The following CFAP46 variants were observed in gnomAD, a reference collection of about 807,000 sequenced individuals.
The protein encoded by CFAP46 is cilia and flagella associated protein 46, also known as cilia- and flagella-associated protein 46.
CFAP46 carries 245 observed loss-of-function variants against 325.7 expected under a neutral mutation model. The ratio of observed to expected loss-of-function variants is 0.75; its 90% confidence interval spans 0.68 to 0.84. CFAP46 has a LOEUF of 0.84. Among genes scored for constraint, CFAP46 ranks in the 40% least tolerant of loss-of-function variants. The pLI, the probability that CFAP46 is intolerant of heterozygous loss-of-function variation, is 0.00. For synonymous variants in CFAP46, 1,523 were observed against 1,495.9 expected, an observed-to-expected ratio of 1.02 and a Z score of -0.42; for missense variants, 3,346 against 3,543.0, an observed-to-expected ratio of 0.94 and a Z score of 1.41.
At chr10:132,821,381 C>CTGTGT (rs1847819895) in intron 50 of CFAP46, among the ~76,000 whole-genome samples, 4 of 93,722 alleles carry the variant, frequency 4.3e-5, no homozygotes, top group Non-Finnish European at 7.7e-5. Flanking sequence ...GCTGTGTGTG[C>CTGTGT]ACTGATGTGT....
chr10:132,833,676 A>G (rs574648767), intron 49 of CFAP46, 151 bp from the exon 50 acceptor site: 54 of 741,202 alleles, frequency 7.3e-5, no homozygotes, highest in Middle Eastern at 7.9e-4. Flanking sequence ...CAGATGCCCC[A>G]GAACGGGGCG....
chr10:132,924,925 G>C, intron 10 of CFAP46, 39 bp from the exon 11 acceptor site: 1 of 1,358,126 alleles, frequency 7.4e-7, no homozygotes, highest in Admixed American at 3.6e-5. Flanking sequence ...GAGGTTGCTG[G>C]CTCGAGCTGC....
intron 9 of CFAP46, among the ~76,000 whole-genome samples, chr10:132,928,980 G>A (rs920906418): frequency 2.6e-5 from 4 of 152,032 alleles, no homozygotes; most frequent in Admixed American, 6.5e-5. Context: ...AATCCTAAAC[G>A]CAGAAAAATG....
At chr10:132,922,301 G>C in intron 12 of CFAP46, 77 bp from the exon 13 acceptor site, 2 of 1,504,370 alleles carry the variant, frequency 1.3e-6, no homozygotes, top group Non-Finnish European at 1.8e-6. Flanking sequence ...GGAGCCTCCT[G>C]GCCTTTGGCA....
chr10:132,868,193 C>T (rs1848846087), intron 33 of CFAP46, among the ~76,000 whole-genome samples: 1 of 152,242 alleles, frequency 6.6e-6, no homozygotes, highest in Non-Finnish European at 1.5e-5. Context: ...CCCTTGCCGC[C>T]GAGACGTCGC....
intron 31 of CFAP46, among the ~76,000 whole-genome samples, chr10:132,875,674 C>G (rs549749317): frequency 6.6e-6 from 1 of 152,304 alleles, no homozygotes; most frequent in Admixed American, 6.5e-5. Flanking sequence ...CCCTGACTGC[C>G]ATGCTTGAGG....
intron 21 of CFAP46, 30 bp downstream of exon 21, chr10:132,909,107 T>A (rs1332597239): frequency 6.6e-7 from 1 of 1,508,532 alleles, no homozygotes; most frequent in Admixed American, 2.0e-5. Flanking sequence ...TCTTGGCCCC[T>A]GGCCTCCCGG....
chr10:132,882,207 A>T (rs541303673), intron 27 of CFAP46, among the ~76,000 whole-genome samples: 10 of 91,680 alleles, frequency 1.1e-4, no homozygotes, highest in Admixed American at 2.0e-4. Context: ...GTGGGGTATG[A>T]GTGGTGTGTG....
rs865824794 is a variant in CFAP46 at position 132,914,781 on chromosome 10, A to G, written c.2121-1523T>C. Among the ~76,000 whole-genome samples the G allele has an allele frequency of 3.4e-3, 359 of 105,672 alleles. 4 individuals are homozygous for G. Among genetic ancestry groups the G allele is most frequent in the African/African-American group, 0.013 (325 of 25,984 alleles). The allele number at this position is 105,672 out of a possible 152,430, so 69.3% of individuals were successfully genotyped here. A position where few individuals can be genotyped will look rare whatever the true frequency, so the allele number is the denominator to read the frequency against. On this transcript the variant is annotated intron_variant, in intron 17 of 57. Transcript: ENST00000368586. ...CCGAGGCTGTGTCCAGCCACACTGC[A>G]CCCCGGCCCGAGGCTGTGTCCAGCC... is the stretch of plus-strand genomic sequence containing the variant.
chr10:132,833,959 C>A lies in CFAP46; in HGVS notation c.6949+82G>T, dbSNP rs1016539696. 32 of 1,357,374 alleles carry A rather than the reference C, an allele frequency of 2.4e-5. No homozygotes were observed. In the South Asian group the frequency reaches 3.7e-4, roughly 16 times the overall value. 84.1% of individuals were successfully genotyped at this position (1,357,374 alleles called of 1,614,324 possible). A position where few individuals can be genotyped will look rare whatever the true frequency, so the allele number is the denominator to read the frequency against. ...GGTTCCTGACCCCCCCTGGCGTTCCCGGATGGGTGGGTGGATCCCAACCCC... is the reference window on the plus strand; with the variant it reads ...GGTTCCTGACCCCCCCTGGCGTTCCAGGATGGGTGGGTGGATCCCAACCCC... On this transcript the variant is annotated intron_variant, in intron 49 of 57. Coordinates refer to ENST00000368586, the MANE Select transcript of CFAP46 (RefSeq NM_001200049.3).
chr10:132,824,456 T>A (rs1847987697), intron 50 of CFAP46, among the ~76,000 whole-genome samples: 1 of 125,772 alleles, frequency 8.0e-6, no homozygotes, highest in Middle Eastern at 5.0e-3. Context: ...ATGTGTGCTG[T>A]GTGCTGATGT....
rs1328812797 is a variant in CFAP46 at position 132,859,215 on chromosome 10, T to G, written c.5231A>C (p.His1744Pro). The G allele has an allele frequency of 6.5e-7, 1 of 1,550,042 alleles. No homozygotes were observed. Among genetic ancestry groups the G allele is most frequent in the Admixed American group, 2.0e-5 (1 of 50,992 alleles). Residue 1744 changes from histidine (H) to proline (P), a missense_variant, in exon 38 of 58, where the codon CAC (histidine) becomes CCC (proline). His to Pro is a moderately conservative substitution (Grantham distance 77). Transcript: ENST00000368586. ...CLSLRVRVAQ[H>P]SAVTEPTECS... ...CTCTGTGGGTTCAGTGACCGCTGAGTGCTGCGCAACTCTGACCCGCAGGCT... is the reference window on the plus strand; with the variant it reads ...CTCTGTGGGTTCAGTGACCGCTGAGGGCTGCGCAACTCTGACCCGCAGGCT...
intron 46 of CFAP46, 36 bp downstream of exon 46, chr10:132,836,106 C>T (rs556464254): frequency 1.9e-6 from 3 of 1,574,416 alleles, no homozygotes; most frequent in Non-Finnish European, 2.6e-6. Context: ...TCCGCCTGCC[C>T]TGCTCCCCCT....
chr10:132,866,602 C>T (rs1378158108), intron 34 of CFAP46, among the ~76,000 whole-genome samples: 2 of 152,156 alleles, frequency 1.3e-5, no homozygotes, highest in African/African-American at 4.8e-5. Context: ...GTGGCTGAGC[C>T]CCTGCACTAG....
At chr10:132,852,743 A>G (rs1172068848) in intron 39 of CFAP46, among the ~76,000 whole-genome samples, 2 of 152,114 alleles carry the variant, frequency 1.3e-5, no homozygotes, top group African/African-American at 4.8e-5. Flanking sequence ...GTATTCTCAA[A>G]TTTTTCTCAG....
At chr10:132,928,076 G>T (rs1322582861) in intron 9 of CFAP46, among the ~76,000 whole-genome samples, 1 of 152,198 alleles carries the variant, frequency 6.6e-6, no homozygotes, top group Non-Finnish European at 1.5e-5. Context: ...TGGGCCACAG[G>T]AGCCTCCCTA....
rs375684667 is a variant in CFAP46 at position 132,837,874 on chromosome 10, C to T, written c.6439-960G>A. Among the ~76,000 whole-genome samples, 839 of 148,816 alleles carry T rather than the reference C, an allele frequency of 5.6e-3. 6 individuals carry two copies. The highest frequency in any genetic ancestry group is 0.019 in the African/African-American group (770 of 40,212). ...ACGCACATGTACACAGATGCACACA[C>T]ACAGACATGCACGGACACACACAGA... On this transcript the variant is annotated intron_variant, in intron 44 of 57. Coordinates refer to ENST00000368586, the MANE Select transcript of CFAP46 (RefSeq NM_001200049.3).
chr10:132,860,448 G>A lies in CFAP46; in HGVS notation c.5167C>T (p.Leu1723=). 1 of 1,551,216 alleles carries A rather than the reference G, an allele frequency of 6.4e-7. No homozygotes were observed. Among genetic ancestry groups the A allele is most frequent in the Non-Finnish European group, 8.7e-7 (1 of 1,147,040 alleles). The change falls in exon 37 of 58, where the codon CTG becomes TTG. Residue 1723 remains leucine (L), a synonymous_variant. Coordinates refer to ENST00000368586, the MANE Select transcript of CFAP46 (RefSeq NM_001200049.3). ...KKERPNRLPL[L]EFMITDLEAR... ...TCTAGATCTGTGATCATGAATTCCA[G>A]TAAAGGCAATCGGTTTGGTCTTTCT...
At chr10:132,887,127 T>A (rs149998091) in intron 25 of CFAP46, among the ~76,000 whole-genome samples, 1,540 of 135,200 alleles carry the variant, frequency 0.011, 18 homozygotes, top group Non-Finnish European at 0.018. Flanking sequence ...CTCTCTCTCC[T>A]CTCCTCTGTC....
Sources: allele counts gnomAD v4.1 joint callset (sites outside exome capture counted in the v4.1 genomes callset), GRCh38; gene constraint gnomAD v4.1.1; transcripts MANE v1.5; gene names NCBI Gene and HGNC (gene_info 2026-07-23, HGNC 2026-07-21).